The following ADGRL1 variants were observed in gnomAD, a reference collection of about 807,000 sequenced individuals.
ADGRL1 encodes CIRL-1.
ADGRL1 carries 31 observed loss-of-function variants against 148.9 expected under a neutral mutation model. The ratio of observed to expected loss-of-function variants is 0.21; its 90% CI spans 0.16 to 0.28. The LOEUF is 0.28. Among genes scored for constraint, ADGRL1 ranks in the 10% least tolerant of loss-of-function variants. ADGRL1 has a pLI of 1.00. For missense variants in ADGRL1, 1,521 were observed against 2,058.8 expected, an observed-to-expected ratio of 0.74 and a Z score of 5.05; for synonymous variants, 937 against 900.3, an observed-to-expected ratio of 1.04 and a Z score of -0.73.
intron 1 of ADGRL1, among the ~76,000 whole-genome samples, chr19:14,205,132 G>A (rs374747474): frequency 2.3e-4 from 35 of 152,112 alleles, no homozygotes; most frequent in African/African-American, 8.2e-4. Flanking sequence ...TCTGGACACG[G>A]CTGGAGCAAA....
At position 14,163,122 on chromosome 19, in the gene ADGRL1, T is replaced by C. The variant is rs1262903854; in HGVS notation, c.679A>G (p.Asn227Asp). ...GTCCGTAGGTCATACTTGACGATGT[T>C]GCGCGTGCGCTCCTTGTTGTAGAAG... ...AVFYNKERTR[N>D]IVKYDLRTRI... The change falls in exon 5 of 23, where the codon AAC becomes GAC. Residue 227 changes from asparagine (N) to aspartate (D), a missense_variant. Around this residue, in one of 8 missense-constraint regions of ADGRL1, gnomAD observed 334 missense variants for 512.5 expected, o/e 0.65. Transcript: ENST00000361434. 6.2e-7 allele frequency: 1 copy of C among 1,613,964 alleles called. No homozygotes were observed.
rs930414606 is a variant in ADGRL1 at position 14,152,002 on chromosome 19, G to A, written c.3667+131C>T. ...TCCATTCGGCTGCCAGAGGCTGTGT[G>A]TCGGGGGGTGGGGAAATGTGGGCAT... is the stretch of plus-strand genomic sequence containing the variant. On this transcript the variant is annotated intron_variant, in intron 22 of 22. Coordinates refer to ENST00000361434, the MANE Select transcript of ADGRL1 (RefSeq NM_014921.5). The surrounding 1 kb of genome is among the most constrained non-coding windows in gnomAD (Gnocchi z 6.1). The A allele has an allele frequency of 2.7e-5, 23 of 849,830 alleles. No individual in the cohort carries two copies. In the African/African-American group the frequency reaches 2.8e-4, roughly 10 times the overall value. The allele number at this position is 849,830 out of a possible 1,614,324, so 52.6% of individuals were successfully genotyped here. A position where few individuals can be genotyped will look rare whatever the true frequency, so the allele number is the denominator to read the frequency against.
At chr19:14,178,776 T>G (rs554792381) in intron 2 of ADGRL1, among the ~76,000 whole-genome samples, 1 of 152,274 alleles carries the variant, frequency 6.6e-6, no homozygotes, top group African/African-American at 2.4e-5. Flanking sequence ...CCTCTCAAAG[T>G]GCTAGGATTA....
At chr19:14,163,465 G>GA (rs1969621331) in intron 4 of ADGRL1, 59 bp from the exon 5 acceptor site, 1 of 700,936 alleles carries the variant, frequency 1.4e-6, no homozygotes, top group Non-Finnish European at 2.2e-6. Flanking sequence ...GCGAGAGGGA[G>GA]GAGAGAGAGA....
chr19:14,176,502 G>A (rs1250807899), intron 3 of ADGRL1, among the ~76,000 whole-genome samples: 1 of 152,076 alleles, frequency 6.6e-6, no homozygotes, highest in Non-Finnish European at 1.5e-5. Context: ...TCTATCATCT[G>A]TGCTCAGGTG....
At chr19:14,200,111 T>C (rs547982098) in intron 1 of ADGRL1, among the ~76,000 whole-genome samples, 33 of 152,264 alleles carry the variant, frequency 2.2e-4, no homozygotes, top group Middle Eastern at 6.8e-3. Context: ...CCCTGTGAAT[T>C]TGAGAGAGGA....
intron 4 of ADGRL1, among the ~76,000 whole-genome samples, chr19:14,166,248 T>A (rs1295854965): frequency 1.5e-4 from 5 of 33,042 alleles, no homozygotes; most frequent in South Asian, 9.8e-4. Flanking sequence ...CCCCTCGCCC[T>A]CATTTTTTCA....
intron 1 of ADGRL1, among the ~76,000 whole-genome samples, chr19:14,201,456 G>A (rs965894371): frequency 5.4e-5 from 8 of 148,898 alleles, no homozygotes; most frequent in African/African-American, 1.5e-4. Context: ...CTGCTTCGTC[G>A]CCCAGGCTGG....
rs1171100560 is a variant in ADGRL1 at position 14,162,344 on chromosome 19, A to G, written c.1195+262T>C. On this transcript the variant is annotated intron_variant, in intron 5 of 22. Coordinates refer to ENST00000361434, the MANE Select transcript of ADGRL1 (RefSeq NM_014921.5). The surrounding 1 kb of genome is among the most constrained non-coding windows in gnomAD (Gnocchi z 5.4). ...GGAGGCTGGGTTCAAATCCTCAAAT[A>G]ACTTAATCCCCTACCCACACAGAGC... Among the ~76,000 whole-genome samples, 1 of 152,126 alleles carries G rather than the reference A, an allele frequency of 6.6e-6. No homozygotes were observed. Among genetic ancestry groups the G allele is most frequent in the East Asian group, 1.9e-4 (1 of 5,194 alleles).
Position 14,162,017 on chromosome 19 carries a change from C to T in ADGRL1, c.1196-391G>A, listed in dbSNP as rs964955139. ...GCTGAATACCACCGCCCCCCATCCT[C>T]GTTCTAGCTGACTTTGGCTTATGTA... is the stretch of plus-strand genomic sequence containing the variant. On this transcript the variant is annotated intron_variant, in intron 5 of 22. Coordinates refer to ENST00000361434, the MANE Select transcript of ADGRL1 (RefSeq NM_014921.5). The surrounding 1 kb of genome is among the most constrained non-coding windows in gnomAD (Gnocchi z 5.4). Among the ~76,000 whole-genome samples, 5 of 152,172 alleles carry T rather than the reference C, an allele frequency of 3.3e-5. No individual in the cohort carries two copies. Among genetic ancestry groups the T allele is most frequent in the African/African-American group, 9.7e-5 (4 of 41,442 alleles).
At chr19:14,183,031 C>T (rs1360218143) in intron 2 of ADGRL1, among the ~76,000 whole-genome samples, 2 of 151,802 alleles carry the variant, frequency 1.3e-5, no homozygotes, top group African/African-American at 4.8e-5. Context: ...ATCGAGTAAT[C>T]GGTGAGGGTG....
At chr19:14,174,405 G>A (rs1051386620) in intron 3 of ADGRL1, among the ~76,000 whole-genome samples, 31 of 152,202 alleles carry the variant, frequency 2.0e-4, no homozygotes, top group Non-Finnish European at 2.9e-4. Context: ...GCAGAGAGGA[G>A]GAGATGATGA....
In ADGRL1 at chr19:14,163,353, C is replaced by G; in HGVS notation, c.448G>C (p.Glu150Gln). 6.2e-7 allele frequency: 1 copy of G among 1,603,594 alleles called. No homozygotes were observed. Among genetic ancestry groups the G allele is most frequent in the Non-Finnish European group, 8.5e-7 (1 of 1,175,910 alleles). ...QKVLEPTSTH[E>Q]SEHQSGAWCK... The stretch of plus-strand genomic sequence containing the variant: ...CATGCGCCAGACTGGTGCTCTGACT[C>G]GTGTGTCGAGGTGGGCTCCAGCACC... The change falls in exon 5 of 23, where the codon GAG becomes CAG. Residue 150 changes from glutamate to glutamine, a missense_variant. This residue lies in a region of ADGRL1 where 334 missense variants were observed against 512.5 expected (regional missense o/e 0.65). Transcript: ENST00000361434.
rs1382277199 is a variant in ADGRL1, at chr19:14,148,672, A to G, written c.*2201T>C. On this transcript the variant is annotated 3_prime_UTR_variant, in exon 23 of 23. Transcript: ENST00000361434. ...GGCCTCACTTCTCCTCCCCATCTAG[A>G]CTTCACCCATGGTCTTCTGGTGTAA... The G allele has an allele frequency of 6.5e-6, 1 of 152,684 alleles. No homozygotes were observed. Among genetic ancestry groups the G allele is most frequent in the East Asian group, 1.9e-4 (1 of 5,188 alleles). 9.5% of individuals were successfully genotyped at this position (152,684 alleles called of 1,614,324 possible).
At chr19:14,184,899 A>G (rs1346710955) in intron 1 of ADGRL1, among the ~76,000 whole-genome samples, 1 of 152,068 alleles carries the variant, frequency 6.6e-6, no homozygotes, top group Non-Finnish European at 1.5e-5. Flanking sequence ...TCGGCCTCCC[A>G]AAGTGCTGGG....
In ADGRL1 at chr19:14,171,013, A is replaced by G; in HGVS notation, c.285-222T>C. Reference sequence around the variant, plus strand: ...GTGGGGCCTGGTGGGAGGTGATTGGATCATGGGGGCAGTTTCTAATGAATG... The same window carrying G: ...GTGGGGCCTGGTGGGAGGTGATTGGGTCATGGGGGCAGTTTCTAATGAATG... On this transcript the variant is annotated intron_variant, in intron 3 of 22. Transcript: ENST00000361434. 6.0e-6 allele frequency: 3 copies of G among 497,212 alleles called. No homozygotes were observed. In the Admixed American group the frequency reaches 1.0e-4, roughly 17 times the overall value. 30.8% of individuals were successfully genotyped at this position (497,212 alleles called of 1,614,324 possible). A position where few individuals can be genotyped will look rare whatever the true frequency, so the allele number is the denominator to read the frequency against.
intron 1 of ADGRL1, among the ~76,000 whole-genome samples, chr19:14,199,948 G>A (rs779507593): frequency 1.3e-4 from 19 of 150,712 alleles, no homozygotes; most frequent in Non-Finnish European, 1.9e-4. Context: ...TGGTCAGGCT[G>A]GTCTCGATCT....
rs1278901215 is a variant in ADGRL1 at position 14,149,534 on chromosome 19, CATCTT to C, written c.*1334_*1338del. ...CAGGAACTCAAAGGGACAGCGCAGCCATCTTGACAAAGCATCTTTGGGTGTGAAGA... is the reference window on the plus strand; with the variant it reads ...CAGGAACTCAAAGGGACAGCGCAGCCGACAAAGCATCTTTGGGTGTGAAGA... On this transcript the variant is annotated 3_prime_UTR_variant, in exon 23 of 23. Coordinates refer to ENST00000361434, the MANE Select transcript of ADGRL1 (RefSeq NM_014921.5). 4 of 152,736 alleles carry C rather than the reference CATCTT, an allele frequency of 2.6e-5. No individual in the cohort carries two copies. Among genetic ancestry groups the C allele is most frequent in the Non-Finnish European group, 5.9e-5 (4 of 68,162 alleles). 9.5% of individuals were successfully genotyped at this position (152,736 alleles called of 1,614,324 possible).
At position 14,150,258 on chromosome 19, in the gene ADGRL1, G is replaced by A. The variant is rs1232899711; in HGVS notation, c.*615C>T. 1 of 152,898 alleles carries A rather than the reference G, an allele frequency of 6.5e-6. No homozygotes were observed. The highest frequency in any genetic ancestry group is 1.9e-4 in the East Asian group (1 of 5,186). 9.5% of individuals were successfully genotyped at this position (152,898 alleles called of 1,614,324 possible). ...TGCGGGGCAGGGACCAAGAGCAAGG[G>A]GAAAGGAGCTTCAGAGAAAGTTCAA... On this transcript the variant is annotated 3_prime_UTR_variant, in exon 23 of 23. Coordinates refer to ENST00000361434, the MANE Select transcript of ADGRL1 (RefSeq NM_014921.5).
Sources: gnomAD v4.1 joint callset for allele counts (sites outside exome capture counted in the v4.1 genomes callset) on GRCh38, gnomAD v4.1.1 for gene constraint, gnomAD v4.1.1 regional missense constraint, Gnocchi (gnomAD v3.1) non-coding constraint, MANE v1.5 for transcripts, NCBI Gene and HGNC (gene_info 2026-07-23, HGNC 2026-07-21) for gene names.